Variants in C16orf78 observed in about 807,000 individuals in gnomAD.
The protein encoded by C16orf78 is uncharacterized protein C16orf78.
In C16orf78, 19 loss-of-function variants were observed where a neutral mutation model predicts 27.3. The ratio of observed to expected loss-of-function variants is 0.70; its 90% confidence interval spans 0.49 to 1.02. The LOEUF is 1.02. Among genes scored for constraint, C16orf78 ranks in the 50% least tolerant of loss-of-function variants. The probability of loss-of-function intolerance (pLI) is 0.00; values close to 1 mark genes in which losing one functional copy is unlikely to be tolerated. For missense variants in C16orf78, 339 were observed against 337.0 expected, an observed-to-expected ratio of 1.01 and a Z score of -0.05; for synonymous variants, 130 against 116.1, an observed-to-expected ratio of 1.12 and a Z score of -0.77.
At chr16:49,382,923 A>T (rs1281266984) in intron 3 of C16orf78, among the ~76,000 whole-genome samples, 1 of 152,216 alleles carries the variant, frequency 6.6e-6, no homozygotes, top group Non-Finnish European at 1.5e-5. Context: ...ACATTTTCTT[A>T]AACAATTCAC....
At chr16:49,380,132 C>T (rs781259305) in intron 3 of C16orf78, among the ~76,000 whole-genome samples, 10 of 152,184 alleles carry the variant, frequency 6.6e-5, no homozygotes, top group African/African-American at 9.7e-5. Flanking sequence ...CAGGGGCTCT[C>T]GGGCTTTTGG....
intron 3 of C16orf78, among the ~76,000 whole-genome samples, chr16:49,389,964 A>C (rs1965393894): frequency 6.6e-6 from 1 of 152,176 alleles, no homozygotes; most frequent in Admixed American, 6.5e-5. Flanking sequence ...AAATTCATAT[A>C]GCTTTTGTAT....
intron 1 of C16orf78, among the ~76,000 whole-genome samples, chr16:49,376,602 G>A (rs1337073745): frequency 6.6e-6 from 1 of 152,184 alleles, no homozygotes; most frequent in Non-Finnish European, 1.5e-5. Context: ...AAGGCAACTT[G>A]CAACATGGAG....
intron 3 of C16orf78, among the ~76,000 whole-genome samples, chr16:49,389,893 A>C (rs1331958507): frequency 6.6e-6 from 1 of 152,120 alleles, no homozygotes; most frequent in African/African-American, 2.4e-5. Flanking sequence ...GTGTGGAATA[A>C]TTTTCCTTCT....
intron 3 of C16orf78, among the ~76,000 whole-genome samples, chr16:49,394,503 C>G (rs767875778): frequency 6.6e-6 from 1 of 151,498 alleles, no homozygotes; most frequent in African/African-American, 2.4e-5. Context: ...TGAATAGAAT[C>G]AAGCAATTAT....
intron 3 of C16orf78, among the ~76,000 whole-genome samples, chr16:49,393,085 A>G (rs1965431588): frequency 6.6e-6 from 1 of 152,158 alleles, no homozygotes; most frequent in African/African-American, 2.4e-5. Context: ...ACTGTGAGTC[A>G]ATTAAACCTC....
chr16:49,378,437 CTG>C, intron 2 of C16orf78, 31 bp from the exon 3 acceptor site: 1 of 1,548,596 alleles, frequency 6.5e-7, no homozygotes, highest in South Asian at 1.2e-5. Flanking sequence ...GGTCCTGTAA[CTG>C]GGGTGTGACT....
intron 3 of C16orf78, among the ~76,000 whole-genome samples, chr16:49,382,195 A>G (rs1483509542): frequency 6.6e-6 from 1 of 152,058 alleles, no homozygotes; most frequent in African/African-American, 2.4e-5. Context: ...ATTCTCACTC[A>G]TAGGTGGGAA....
At chr16:49,385,157 G>T (rs1424421451) in intron 3 of C16orf78, among the ~76,000 whole-genome samples, 1 of 152,064 alleles carries the variant, frequency 6.6e-6, no homozygotes, top group Non-Finnish European at 1.5e-5. Context: ...TATGGTAATG[G>T]TGATGTATGA....
intron 3 of C16orf78, among the ~76,000 whole-genome samples, chr16:49,391,263 C>A (rs1231264036): frequency 6.6e-6 from 1 of 152,168 alleles, no homozygotes; most frequent in African/African-American, 2.4e-5. Flanking sequence ...TTGGCAAAGT[C>A]TGAGTAGTAG....
Position 49,378,541 on chromosome 16 carries a change from A to G in C16orf78, c.342A>G (p.Lys114=). The part of the protein sequence containing the change: ...RSLYGVEQKG[K]HLSMVPGSYI... ...TCTATGGAGTGGAGCAAAAGGGGAA[A>G]CACCTCAGCATGGTCCCTGGCAGCT... The change falls in exon 3 of 5, where the codon AAA becomes AAG. Residue 114 remains lysine (K), a synonymous_variant. Coordinates refer to ENST00000299191, the MANE Select transcript of C16orf78 (RefSeq NM_144602.4). 2 of 1,613,534 alleles carry G rather than the reference A, an allele frequency of 1.2e-6. No homozygotes were observed. The highest frequency in any genetic ancestry group is 1.7e-6 in the Non-Finnish European group (2 of 1,179,792).
chr16:49,393,465 T>C (rs1965438098), intron 3 of C16orf78, among the ~76,000 whole-genome samples: 1 of 152,092 alleles, frequency 6.6e-6, no homozygotes, highest in Non-Finnish European at 1.5e-5. Flanking sequence ...AAACCAACAA[T>C]TAGAAATAAC....
intron 3 of C16orf78, among the ~76,000 whole-genome samples, chr16:49,385,695 C>T (rs1326152447): frequency 6.6e-6 from 1 of 150,620 alleles, no homozygotes; most frequent in Non-Finnish European, 1.5e-5. Flanking sequence ...CTTATGGTAA[C>T]CACAGAAAAC....
At chr16:49,389,987 C>A (rs1035413860) in intron 3 of C16orf78, among the ~76,000 whole-genome samples, 4 of 152,062 alleles carry the variant, frequency 2.6e-5, no homozygotes, top group African/African-American at 9.7e-5. Context: ...CCAGAAAGGT[C>A]TTTATTTCAC....
At position 49,396,635 on chromosome 16, in the gene C16orf78, G is replaced by C. The variant is rs867806225; in HGVS notation, c.607G>C (p.Glu203Gln). 1 of 1,612,540 alleles carries C rather than the reference G, an allele frequency of 6.2e-7. No individual in the cohort carries two copies. The highest frequency in any genetic ancestry group is 8.5e-7 in the Non-Finnish European group (1 of 1,180,024). The change falls in exon 4 of 5, where the codon GAA (glutamate) becomes CAA (glutamine). Residue 203 changes from glutamate to glutamine, a missense_variant. By Grantham distance (29) the Glu-to-Gln change is conservative. Coordinates refer to ENST00000299191, the MANE Select transcript of C16orf78 (RefSeq NM_144602.4). Reference protein sequence around the residue: ...LMEKSTEPKMETMRMLKPEEV... With the variant: ...LMEKSTEPKMQTMRMLKPEEV... ...GGAGAAAAGCACCGAACCTAAGATG[G>C]AAACCATGAGGATGTTGAAGCCAGA...
At chr16:49,392,660 C>A (rs1965427417) in intron 3 of C16orf78, among the ~76,000 whole-genome samples, 1 of 152,036 alleles carries the variant, frequency 6.6e-6, no homozygotes, top group Non-Finnish European at 1.5e-5. Flanking sequence ...CTAGGGAGAA[C>A]CTGCTAAACA....
chr16:49,381,332 T>C (rs1965284315), intron 3 of C16orf78, among the ~76,000 whole-genome samples: 1 of 152,220 alleles, frequency 6.6e-6, no homozygotes, highest in Admixed American at 6.5e-5. Flanking sequence ...GTAGTTCTCC[T>C]TGAAGAGGTC....
At chr16:49,388,134 A>AT (rs1032921149) in intron 3 of C16orf78, among the ~76,000 whole-genome samples, 5 of 151,466 alleles carry the variant, frequency 3.3e-5, no homozygotes, top group African/African-American at 4.9e-5. Flanking sequence ...AGAAAAAAAA[A>AT]TTTTTTTTTA....
intron 3 of C16orf78, among the ~76,000 whole-genome samples, chr16:49,394,018 A>G (rs1387442780): frequency 1.3e-5 from 2 of 152,156 alleles, no homozygotes; most frequent in Admixed American, 1.3e-4. Flanking sequence ...AATTGGTACA[A>G]TATAGAGCAG....
Sources: allele counts gnomAD v4.1 joint callset (sites outside exome capture counted in the v4.1 genomes callset), GRCh38; gene constraint gnomAD v4.1.1; transcripts MANE v1.5; gene names NCBI Gene and HGNC (gene_info 2026-07-23, HGNC 2026-07-21).